CLCN4: variants seen among roughly 807,000 people sequenced by gnomAD.
The protein encoded by CLCN4 is H(+)/Cl(-) exchange transporter 4.
CLCN4 carries 1 observed loss-of-function variant against 41.7 expected under a neutral mutation model. The ratio of observed to expected loss-of-function variants is 0.02; its 90% CI spans 0.01 to 0.11. The LOEUF (loss-of-function observed/expected upper bound fraction) is 0.11. Ranked by LOEUF, CLCN4 falls within the 10% of genes least tolerant of loss-of-function variation. The pLI is 1.00. For synonymous variants in CLCN4, 277 were observed against 285.8 expected (o/e 0.97, Z 0.31); for missense variants, 287 against 661.0 (o/e 0.43, Z 6.20).
In CLCN4 at chrX:10,195,058, T is replaced by G; in HGVS notation, c.392T>G (p.Leu131Arg). Residue 131 changes from leucine to arginine, a missense_variant, in exon 5 of 13, where the codon CTG becomes CGG. Physicochemically the swap from Leu to Arg is moderately radical, Grantham distance 102 (BLOSUM62 -2). Coordinates refer to ENST00000380833, the MANE Select transcript of CLCN4 (RefSeq NM_001830.4). ...TTTGAGGACAGAGACAAGTGTCCCC[T>G]GTGGCAGAAATGGTCGGAGCTGCTG... ...TTFEDRDKCP[L>R]WQKWSELLVN... 8.3e-7 allele frequency: 1 copy of G among 1,211,874 alleles called. No individual in the cohort carries two copies.
At chrX:10,179,488 A>C (rs963000587) in intron 2 of CLCN4, among the ~76,000 whole-genome samples, 2 of 111,404 alleles carry the variant, frequency 1.8e-5, no homozygotes, top group African/African-American at 6.5e-5. Flanking sequence ...TTTTTAGGAA[A>C]AGCTATTTCG....
intron 2 of CLCN4, among the ~76,000 whole-genome samples, chrX:10,166,280 G>A (rs759346275): frequency 2.4e-4 from 27 of 112,133 alleles, no homozygotes; most frequent in Admixed American, 2.1e-3. Flanking sequence ...TCAGCAGCGC[G>A]CGTCCCTTCA....
intron 11 of CLCN4, among the ~76,000 whole-genome samples, chrX:10,214,772 T>C (rs2239429): frequency 0.4 from 44,140 of 110,424 alleles, 6,717 homozygotes; most frequent in East Asian, 0.9. Context: ...GGTCAGGGTG[T>C]CCCAACGACA....
intron 2 of CLCN4, among the ~76,000 whole-genome samples, chrX:10,163,175 C>A (rs1923151655): frequency 8.9e-6 from 1 of 112,736 alleles, no homozygotes; most frequent in African/African-American, 3.2e-5. Context: ...TGCCTCCTCT[C>A]CACCTGTCAG....
chrX:10,204,649 T>TTTTTTTTTTTTTTTTTTTA (rs1924330123), intron 6 of CLCN4, among the ~76,000 whole-genome samples: 1 of 88,498 alleles, frequency 1.1e-5, no homozygotes, highest in Admixed American at 1.3e-4. Flanking sequence ...TTTTTTTTTT[T>TTTTTTTTTTTTTTTTTTTA]ACATACTACT....
chrX:10,218,155 A>G (rs1344467723), intron 11 of CLCN4, among the ~76,000 whole-genome samples: 2 of 112,192 alleles, frequency 1.8e-5, no homozygotes, highest in Non-Finnish European at 3.8e-5. Context: ...CTATTTTTAA[A>G]ACATTTAAAA....
In CLCN4 at chrX:10,179,601, C is replaced by G. The variant is rs193250090; in HGVS notation, c.-11-5421C>G. On this transcript the variant is annotated intron_variant, in intron 2 of 12. Transcript: ENST00000380833. ...GCTCAGTTGGACCACCACAATCTCC[C>G]TGAACAGAACTGGAGTCCATCAGGT... Among the ~76,000 whole-genome samples, 18 of 111,428 alleles carry G rather than the reference C, an allele frequency of 1.6e-4. No homozygotes were observed. In the Admixed American group the frequency reaches 1.6e-3, roughly 10 times the overall value.
chrX:10,227,616 C>T (rs1039184423), intron 12 of CLCN4, among the ~76,000 whole-genome samples: 1 of 111,716 alleles, frequency 9.0e-6, no homozygotes, highest in African/African-American at 3.3e-5. Flanking sequence ...AATTTTAGAT[C>T]ATTTTCATCA....
chrX:10,177,580 CATGATCTGAGCACT>C (rs1340051899), intron 2 of CLCN4, among the ~76,000 whole-genome samples: 1 of 111,950 alleles, frequency 8.9e-6, no homozygotes, highest in Non-Finnish European at 1.9e-5. Context: ...TGTTTCGTCC[CATGATCTGAGCACT>C]CCATACATGG....
chrX:10,185,301 AG>A (rs998444370), intron 3 of CLCN4, 125 bp downstream of exon 3: 2 of 662,801 alleles, frequency 3.0e-6, no homozygotes, highest in African/African-American at 4.5e-5. Context: ...AGAAGAAAAG[AG>A]CCAGTGGGAG....
intron 11 of CLCN4, among the ~76,000 whole-genome samples, chrX:10,218,700 A>G (rs921549059): frequency 8.9e-6 from 1 of 112,378 alleles, no homozygotes; most frequent in African/African-American, 3.2e-5. Flanking sequence ...TAGCACCTCT[A>G]CCCACAAAGT....
chrX:10,220,339 T>C (rs1924826547), intron 11 of CLCN4, among the ~76,000 whole-genome samples: 1 of 111,472 alleles, frequency 9.0e-6, no homozygotes, highest in Non-Finnish European at 1.9e-5. Flanking sequence ...AAAGCCAGAG[T>C]GGAGGGCCCT....
At chrX:10,217,587 C>T (rs1289245586) in intron 11 of CLCN4, among the ~76,000 whole-genome samples, 1 of 111,919 alleles carries the variant, frequency 8.9e-6, no homozygotes, top group Non-Finnish European at 1.9e-5. Context: ...TGATTATTTC[C>T]AATTTTGAAA....
At chrX:10,188,153 A>G (rs1013603628) in intron 4 of CLCN4, among the ~76,000 whole-genome samples, 1 of 112,590 alleles carries the variant, frequency 8.9e-6, no homozygotes, top group Non-Finnish European at 1.9e-5. Context: ...TCCTGGGCTC[A>G]AGCCATCCTC....
chrX:10,217,852 C>A (rs944243990), intron 11 of CLCN4, among the ~76,000 whole-genome samples: 6 of 110,102 alleles, frequency 5.4e-5, no homozygotes, highest in African/African-American at 2.0e-4. Flanking sequence ...AAGCAATTCT[C>A]CTGCCTCAGC....
intron 4 of CLCN4, among the ~76,000 whole-genome samples, chrX:10,193,011 C>T (rs900726869): frequency 5.4e-5 from 6 of 111,005 alleles, no homozygotes; most frequent in African/African-American, 1.3e-4. Flanking sequence ...AGTTCGGTGT[C>T]GGATGGTGGT....
At chrX:10,201,257 G>A (rs1348132028) in intron 6 of CLCN4, among the ~76,000 whole-genome samples, 1 of 111,801 alleles carries the variant, frequency 8.9e-6, no homozygotes, top group African/African-American at 3.3e-5. Flanking sequence ...CTTGGTAGTG[G>A]GCACATGGGT....
intron 4 of CLCN4, among the ~76,000 whole-genome samples, chrX:10,189,935 G>T (rs1923913693): frequency 8.9e-6 from 1 of 111,997 alleles, no homozygotes; most frequent in South Asian, 3.7e-4. Context: ...CATCCTGTTT[G>T]CCCCTGGATA....
intron 9 of CLCN4, among the ~76,000 whole-genome samples, chrX:10,211,235 G>A (rs1924539664): frequency 1.0e-5 from 1 of 97,815 alleles, no homozygotes; most frequent in Non-Finnish European, 2.0e-5. Context: ...CACTGCACAC[G>A]GGCCTGGGCG....
Sources: allele counts gnomAD v4.1 joint callset (sites outside exome capture counted in the v4.1 genomes callset), GRCh38; gene constraint gnomAD v4.1.1; transcripts MANE v1.5; gene names NCBI Gene and HGNC (gene_info 2026-07-23, HGNC 2026-07-21).